The following MAPRE2 variants were observed in gnomAD, a reference collection of about 807,000 sequenced individuals.
The protein encoded by MAPRE2 is microtubule associated protein RP/EB family member 2.
Under a neutral mutation model 43.2 loss-of-function variants are expected in MAPRE2, and 13 were observed. The observed-to-expected ratio is 0.30, with a 90% CI of 0.20 to 0.48. The LOEUF is 0.48. MAPRE2 is among the 20% of genes least tolerant of loss of function. The pLI is 0.99. For missense variants in MAPRE2, 161 were observed against 400.2 expected, an observed-to-expected ratio of 0.40 and a Z score of 5.10; for synonymous variants, 135 against 148.8, an observed-to-expected ratio of 0.91 and a Z score of 0.68.
chr18:35,143,333 T>C lies in MAPRE2; in HGVS notation c.*2964T>C, dbSNP rs888740896. 6.6e-6 allele frequency: 1 copy of C among 152,204 alleles called. No homozygotes were observed. Among genetic ancestry groups the C allele is most frequent in the Non-Finnish European group, 1.5e-5 (1 of 68,028 alleles). The allele number at this position is 152,204 out of a possible 1,614,324, so 9.4% of individuals were successfully genotyped here. On this transcript the variant is annotated 3_prime_UTR_variant, in exon 7 of 7. Coordinates refer to ENST00000300249, the MANE Select transcript of MAPRE2 (RefSeq NM_014268.4). ...TGACATAATAGATGAAAAAGTCTTA[T>C]TCAGATGTATCACATTCATTTTACA...
chr18:35,125,946 A>G (rs1255598881), intron 4 of MAPRE2, among the ~76,000 whole-genome samples: 1 of 152,168 alleles, frequency 6.6e-6, no homozygotes, highest in Non-Finnish European at 1.5e-5. Context: ...ACATGTAAAT[A>G]TCTTGTTCCC....
chr18:35,070,424 A>G, intron 2 of MAPRE2, 102 bp downstream of exon 2: 1 of 988,436 alleles, frequency 1.0e-6, no homozygotes. Flanking sequence ...AGGAAAAAGT[A>G]TATATTGCTA....
chr18:35,057,454 C>T (rs934947421), intron 1 of MAPRE2, among the ~76,000 whole-genome samples: 2 of 151,352 alleles, frequency 1.3e-5, no homozygotes, highest in Non-Finnish European at 2.9e-5. Context: ...TACGTTTGAC[C>T]TGTGACAAGG....
At chr18:35,112,934 A>C (rs907315113) in intron 4 of MAPRE2, among the ~76,000 whole-genome samples, 1 of 152,230 alleles carries the variant, frequency 6.6e-6, no homozygotes, top group Non-Finnish European at 1.5e-5. Flanking sequence ...CCTGGTCCAC[A>C]TACATGGTGC....
chr18:35,135,070 G>GATGTT (rs1472039864), intron 6 of MAPRE2, among the ~76,000 whole-genome samples: 3 of 152,196 alleles, frequency 2.0e-5, no homozygotes, highest in Non-Finnish European at 4.4e-5. Context: ...GGTTACCAGA[G>GATGTT]CAAGATGTTC....
chr18:34,985,344 T>TTATATTATATATATAATATAATATATAA (rs1568961674), intron 1 of MAPRE2, among the ~76,000 whole-genome samples: 26 of 44,590 alleles, frequency 5.8e-4, no homozygotes, highest in Non-Finnish European at 8.3e-4. Context: ...ATATAATATA[T>TTATATTATATATATAATATAATATATAA]TATATTATAT....
rs199823945 is a variant in MAPRE2 at position 35,052,923 on chromosome 18, CAT to C, written c.122+11265_122+11266del. Among the ~76,000 whole-genome samples, 672 of 152,186 alleles carry C rather than the reference CAT, an allele frequency of 4.4e-3. 5 individuals carry two copies. The highest frequency in any genetic ancestry group is 0.015 in the African/African-American group (633 of 41,522). ...TTATCTTTTTAAATAGAATTATACA[CAT>C]ATGTTTTGCATAATAATATAGTCTT... On this transcript the variant is annotated intron_variant, in intron 1 of 6. Transcript: ENST00000300249.
chr18:35,037,662 AT>A (rs35904391), upstream of MAPRE2, among the ~76,000 whole-genome samples: 11 of 150,624 alleles, frequency 7.3e-5, no homozygotes, highest in South Asian at 4.2e-4. Context: ...ATTTTAGCTT[AT>A]TTTTTTTTTC....
At chr18:35,013,048 A>G (rs2097035776) in intron 2 of MAPRE2, among the ~76,000 whole-genome samples, 1 of 152,312 alleles carries the variant, frequency 6.6e-6, no homozygotes, top group East Asian at 1.9e-4. Flanking sequence ...CCACATGCCC[A>G]TAAAGGTTAT....
At chr18:35,097,671 A>G in intron 3 of MAPRE2, 80 bp downstream of exon 3, 1 of 1,281,724 alleles carries the variant, frequency 7.8e-7, no homozygotes, top group South Asian at 1.4e-5. Flanking sequence ...GTCCAGGAGC[A>G]TACCAATGGG....
Position 35,140,406 on chromosome 18 carries a change from G to A in MAPRE2, c.*37G>A, listed in dbSNP as rs1442350971. 1 of 1,564,926 alleles carries A rather than the reference G, an allele frequency of 6.4e-7. No homozygotes were observed. Among genetic ancestry groups the A allele is most frequent in the Admixed American group, 1.8e-5 (1 of 54,482 alleles). The stretch of plus-strand genomic sequence containing the variant: ...TGCTCTTGACACTTCCATTGTGTGT[G>A]GGAACGTTTCTTCTGGAGAATTGGA... On this transcript the variant is annotated 3_prime_UTR_variant, in exon 7 of 7. Transcript: ENST00000300249.
chr18:35,005,404 CACTAA>C (rs1743663661), intron 1 of MAPRE2: 3 of 747,452 alleles, frequency 4.0e-6, no homozygotes, highest in South Asian at 4.3e-5. Flanking sequence ...TGGCCACACC[CACTAA>C]ACTAAATTAT....
At chr18:35,059,688 C>T (rs1172221074) in intron 1 of MAPRE2, among the ~76,000 whole-genome samples, 2 of 152,120 alleles carry the variant, frequency 1.3e-5, no homozygotes, top group Non-Finnish European at 2.9e-5. Context: ...GCGGCCACTT[C>T]AGAAGTGGGC....
At chr18:35,082,923 T>G (rs951708566) in intron 2 of MAPRE2, among the ~76,000 whole-genome samples, 6 of 152,176 alleles carry the variant, frequency 3.9e-5, no homozygotes, top group South Asian at 2.1e-4. Flanking sequence ...ATTTTTGCTG[T>G]TTTTCCATGT....
intron 1 of MAPRE2, among the ~76,000 whole-genome samples, chr18:34,994,398 T>C (rs1029372849): frequency 3.0e-5 from 4 of 133,798 alleles, no homozygotes; most frequent in African/African-American, 1.1e-4. Flanking sequence ...TTCTGTTTTT[T>C]GCTTTTTTTT....
At chr18:35,089,955 A>G (rs955897221) in intron 2 of MAPRE2, among the ~76,000 whole-genome samples, 3 of 152,104 alleles carry the variant, frequency 2.0e-5, no homozygotes, top group Non-Finnish European at 2.9e-5. Flanking sequence ...TGCTGTAAAG[A>G]AAAAAAATGA....
chr18:35,041,512 G>A lies in MAPRE2; in HGVS notation c.-28G>A. ...CTTCCTCACCAGCCAGCCCACAGCG[G>A]TTTGTTCCCCTTCTCGGGAGTGCGC... is the stretch of plus-strand genomic sequence containing the variant. On this transcript the variant is annotated 5_prime_UTR_variant, in exon 1 of 7. Coordinates refer to ENST00000300249, the MANE Select transcript of MAPRE2 (RefSeq NM_014268.4). 1 of 1,614,110 alleles carries A rather than the reference G, an allele frequency of 6.2e-7. No homozygotes were observed. Among genetic ancestry groups the A allele is most frequent in the Non-Finnish European group, 8.5e-7 (1 of 1,180,030 alleles).
At chr18:34,985,261 ATAT>A (rs2097019137) in intron 1 of MAPRE2, among the ~76,000 whole-genome samples, 1 of 49,624 alleles carries the variant, frequency 2.0e-5, no homozygotes, top group Non-Finnish European at 3.4e-5. Context: ...ATATAATATA[ATAT>A]ATTATATAAT....
intron 2 of MAPRE2, among the ~76,000 whole-genome samples, chr18:35,088,216 G>A (rs772613451): frequency 6.6e-6 from 1 of 152,176 alleles, no homozygotes; most frequent in African/African-American, 2.4e-5. Flanking sequence ...TGCTTAGAAG[G>A]CTACTTCATG....
Sources: gnomAD v4.1 joint callset for allele counts (sites outside exome capture counted in the v4.1 genomes callset) on GRCh38, gnomAD v4.1.1 for gene constraint, MANE v1.5 for transcripts, NCBI Gene and HGNC (gene_info 2026-07-23, HGNC 2026-07-21) for gene names.